PRKCH: variants seen among roughly 807,000 people sequenced by gnomAD.
The protein encoded by PRKCH is protein kinase C eta type.
In PRKCH, 28 loss-of-function variants were observed where a neutral mutation model predicts 82.5. The ratio of observed to expected loss-of-function variants is 0.34; its 90% CI spans 0.25 to 0.47. The LOEUF is 0.47. Ranked by LOEUF, PRKCH falls within the 20% of genes least tolerant of loss-of-function variation. The pLI is 1.00. For missense variants in PRKCH, 705 were observed against 881.8 expected, an observed-to-expected ratio of 0.80 and a Z score of 2.54; for synonymous variants, 322 against 327.4, an observed-to-expected ratio of 0.98 and a Z score of 0.18.
chr14:61,257,820 G>A (rs746350932), intron 1 of PRKCH, among the ~76,000 whole-genome samples: 5 of 152,138 alleles, frequency 3.3e-5, no homozygotes, highest in Non-Finnish European at 4.4e-5. Flanking sequence ...CATGTGAGGT[G>A]ATTCAGCTAG....
chr14:61,354,017 T>C (rs2046115587), intron 1 of PRKCH: 1 of 152,208 alleles, frequency 6.6e-6, no homozygotes, highest in South Asian at 2.1e-4. Context: ...GATCACTTTA[T>C]AAAGATGTAA....
At chr14:61,459,822 G>T (rs1305171592) in intron 9 of PRKCH, among the ~76,000 whole-genome samples, 1 of 151,980 alleles carries the variant, frequency 6.6e-6, no homozygotes, top group South Asian at 2.1e-4. Flanking sequence ...AGTATACTTT[G>T]CCCATGATTC....
intron 2 of PRKCH, among the ~76,000 whole-genome samples, chr14:61,425,630 T>C (rs1433167680): frequency 6.6e-6 from 1 of 152,214 alleles, no homozygotes; most frequent in Admixed American, 6.5e-5. Context: ...CAGATGAGAC[T>C]TTGGACTGTG....
At position 61,280,746 on chromosome 14, in the gene PRKCH, G is replaced by A; in HGVS notation, c.-19+93078G>A. On this transcript the variant is annotated intron_variant, in intron 1 of 3. Coordinates refer to the PRKCH transcript ENST00000555185. The surrounding 1 kb of genome is among the most constrained non-coding windows in gnomAD (Gnocchi z 5.0). ...GGTGGCGCAGCGCGCTGGGGAGTCC[G>A]CTCAGCTGCGCGTCGTCGCGGGACA... is the stretch of plus-strand genomic sequence containing the variant. The A allele has an allele frequency of 6.4e-7, 1 of 1,565,914 alleles. No homozygotes were observed. The highest frequency in any genetic ancestry group is 8.6e-7 in the Non-Finnish European group (1 of 1,162,896).
At chr14:61,511,521 C>T (rs1887374027) in intron 10 of PRKCH, among the ~76,000 whole-genome samples, 2 of 152,234 alleles carry the variant, frequency 1.3e-5, no homozygotes, top group African/African-American at 4.8e-5. Flanking sequence ...GTGAAGAACG[C>T]TCCTTGCCTC....
At chr14:61,526,247 G>A (rs560685691) in intron 10 of PRKCH, among the ~76,000 whole-genome samples, 5 of 152,212 alleles carry the variant, frequency 3.3e-5, no homozygotes, top group East Asian at 1.9e-4. Flanking sequence ...GGGATTCTGC[G>A]TGGAGAAGGG....
intron 1 of PRKCH, among the ~76,000 whole-genome samples, chr14:61,383,646 C>G (rs1225111217): frequency 6.6e-6 from 1 of 151,732 alleles, no homozygotes; most frequent in African/African-American, 2.4e-5. Context: ...TCTTGAGTAC[C>G]TTGCAGTTGT....
intron 1 of PRKCH, among the ~76,000 whole-genome samples, chr14:61,352,706 G>GAA (rs773590056): frequency 2.1e-4 from 31 of 148,056 alleles, no homozygotes; most frequent in Non-Finnish European, 4.2e-4. Context: ...AAGAAAGAAA[G>GAA]AAAGAAAGAA....
intron 3 of PRKCH, among the ~76,000 whole-genome samples, chr14:61,444,104 T>G (rs1884101807): frequency 6.6e-6 from 1 of 152,226 alleles, no homozygotes. Flanking sequence ...TTGTTTTCTG[T>G]GATTATTTTG....
chr14:61,275,822 G>T (rs963075008), intron 1 of PRKCH, among the ~76,000 whole-genome samples: 8 of 151,978 alleles, frequency 5.3e-5, no homozygotes, highest in Non-Finnish European at 1.5e-5. Context: ...GGGTTTCATT[G>T]CCACAGGATT....
chr14:61,247,754 A>AAAAT, intron 1 of PRKCH, among the ~76,000 whole-genome samples: 1 of 149,696 alleles, frequency 6.7e-6, no homozygotes, highest in African/African-American at 2.5e-5. Flanking sequence ...AAAAAAAAAA[A>AAAAT]AAAAGAAAGA....
At chr14:61,422,870 C>T (rs1882920649) in intron 2 of PRKCH, among the ~76,000 whole-genome samples, 1 of 152,156 alleles carries the variant, frequency 6.6e-6, no homozygotes, top group Non-Finnish European at 1.5e-5. Context: ...TGTGTGTGCA[C>T]ACACGTATGC....
chr14:61,251,776 A>G (rs1388770091), intron 1 of PRKCH, among the ~76,000 whole-genome samples: 1 of 152,158 alleles, frequency 6.6e-6, no homozygotes, highest in Non-Finnish European at 1.5e-5. Context: ...GAGGAACACT[A>G]AATCATTCTG....
chr14:61,547,048 G>A (rs943191037), intron 12 of PRKCH, among the ~76,000 whole-genome samples: 5 of 152,174 alleles, frequency 3.3e-5, no homozygotes, highest in East Asian at 1.9e-4. Flanking sequence ...GTGTGGCAGC[G>A]CTCGTTTTAG....
chr14:61,188,909 GGGATTTCACCATGTTGATCAGGCT>G (rs2044389243), intron 1 of PRKCH, among the ~76,000 whole-genome samples: 1 of 152,004 alleles, frequency 6.6e-6, no homozygotes, highest in Admixed American at 6.6e-5. Flanking sequence ...TAGTGGGGAC[GGGATTTCACCATGTTGATCAGGCT>G]GGTCTCGAAC....
chr14:61,542,444 G>A (rs2043200505), intron 12 of PRKCH, among the ~76,000 whole-genome samples: 1 of 152,090 alleles, frequency 6.6e-6, no homozygotes, highest in Non-Finnish European at 1.5e-5. Context: ...AGGAGGCTGA[G>A]GCAGGAGGAT....
In PRKCH at chr14:61,530,548, G is replaced by A; in HGVS notation, c.1714G>A (p.Val572Ile). The A allele has an allele frequency of 3.1e-6, 5 of 1,610,232 alleles. No homozygotes were observed. In the South Asian group the frequency reaches 3.3e-5, roughly 11 times the overall value. Residue 572 changes from valine (V) to isoleucine (I), a missense_variant, in exon 12 of 14, where the codon GTC becomes ATC. By Grantham distance (29) the Val-to-Ile change is conservative. Coordinates refer to ENST00000332981, the MANE Select transcript of PRKCH (RefSeq NM_006255.5). ...LFEAILNDEV[V>I]YPTWLHEDAT... ...TGAGGCCATACTGAATGATGAGGTGGTCTACCCTACCTGGCTCCATGAAGA... is the reference window on the plus strand; with the variant it reads ...TGAGGCCATACTGAATGATGAGGTGATCTACCCTACCTGGCTCCATGAAGA...
chr14:61,216,646 C>T (rs1268420008), intron 1 of PRKCH, among the ~76,000 whole-genome samples: 2 of 152,082 alleles, frequency 1.3e-5, no homozygotes, highest in African/African-American at 4.8e-5. Context: ...TACTTCACTC[C>T]CCTGGCAACC....
intron 1 of PRKCH, among the ~76,000 whole-genome samples, chr14:61,253,152 T>C (rs1476258851): frequency 6.6e-6 from 1 of 152,206 alleles, no homozygotes; most frequent in East Asian, 1.9e-4. Flanking sequence ...AGAAACACCG[T>C]TTGTGGACTG....
Sources: allele counts gnomAD v4.1 joint callset (sites outside exome capture counted in the v4.1 genomes callset), GRCh38; gene constraint gnomAD v4.1.1; non-coding constraint Gnocchi (gnomAD v3.1); transcripts MANE v1.5; gene names NCBI Gene and HGNC (gene_info 2026-07-23, HGNC 2026-07-21).